Variants in GBE1 observed in about 807,000 individuals in gnomAD.
GBE1 encodes the protein 1,4-alpha-glucan-branching enzyme.
Under a neutral mutation model 88.8 loss-of-function variants are expected in GBE1, and 70 were observed. The ratio of observed to expected loss-of-function variants is 0.79; its 90% CI spans 0.65 to 0.96. GBE1 has a LOEUF of 0.96. GBE1 is among the 40% of genes least tolerant of loss of function. The probability of loss-of-function intolerance (pLI) is 0.00; values close to 1 mark genes in which losing one functional copy is unlikely to be tolerated. For synonymous variants in GBE1, 284 were observed against 300.1 expected (o/e 0.95, Z 0.56); for missense variants, 872 against 871.0 (o/e 1.00, Z -0.01).
intron 2 of GBE1, among the ~76,000 whole-genome samples, chr3:81,677,305 G>A (rs975068474): frequency 1.1e-4 from 16 of 152,058 alleles, no homozygotes; most frequent in African/African-American, 3.9e-4. Context: ...CAATAGGCGA[G>A]GCTAATATAC....
At position 81,547,625 on chromosome 3, in the gene GBE1, T is replaced by TTCTCTCTCTCTCTC. The variant is rs56681369; in HGVS notation, c.1619-10544_1619-10531dup. On this transcript the variant is annotated intron_variant, in intron 12 of 15. Coordinates refer to ENST00000429644, the MANE Select transcript of GBE1 (RefSeq NM_000158.4). ...CTAGTCAGGCTTCTAGGTTCGTTTG[T>TTCTCTCTCTCTCTC]TCTCTCTCTCTCTCTCTCTCTCTCT... Among the ~76,000 whole-genome samples, 151 of 138,364 alleles carry TTCTCTCTCTCTCTC rather than the reference T, an allele frequency of 1.1e-3. 1 individual carries two copies. The highest frequency in any genetic ancestry group is 3.8e-3 in the Middle Eastern group (1 of 266). The allele number at this position is 138,364 out of a possible 152,430, so 90.8% of individuals were successfully genotyped here.
intron 14 of GBE1, among the ~76,000 whole-genome samples, chr3:81,517,625 T>A (rs992622403): frequency 4.5e-5 from 6 of 134,088 alleles, no homozygotes; most frequent in Non-Finnish European, 7.8e-5. Flanking sequence ...CAGTAGATCT[T>A]ATTATGAAGA....
At chr3:81,712,226 T>C (rs978354409) in intron 1 of GBE1, among the ~76,000 whole-genome samples, 5 of 152,188 alleles carry the variant, frequency 3.3e-5, no homozygotes, top group Admixed American at 1.3e-4. Context: ...AGTTCAACCA[T>C]TGTGGAAGAC....
intron 7 of GBE1, among the ~76,000 whole-genome samples, chr3:81,626,481 C>T (rs976755657): frequency 6.6e-6 from 1 of 151,988 alleles, no homozygotes; most frequent in African/African-American, 2.4e-5. Context: ...AAAGAGGAAG[C>T]CTTGAGCAAG....
rs1293150386 is a variant in GBE1, at chr3:81,694,811, G to A, written c.313+10633C>T. Among the ~76,000 whole-genome samples, 3 of 152,274 alleles carry A rather than the reference G, an allele frequency of 2.0e-5. No individual in the cohort carries two copies. In the East Asian group the frequency reaches 5.8e-4, roughly 29 times the overall value. On this transcript the variant is annotated intron_variant, in intron 2 of 15. Coordinates refer to ENST00000429644, the MANE Select transcript of GBE1 (RefSeq NM_000158.4). ...TATCCTTAAGAAACAGGATGCCTAT[G>A]ATACAGTTTCCTTTGTAGCCAGACT... is the stretch of plus-strand genomic sequence containing the variant.
chr3:81,678,885 A>G (rs1039485564), intron 2 of GBE1, among the ~76,000 whole-genome samples: 1 of 152,310 alleles, frequency 6.6e-6, no homozygotes, highest in Non-Finnish European at 1.5e-5. Context: ...ACTGAATATA[A>G]AGAAAGTATT....
In GBE1 at chr3:81,705,557, T is replaced by A. The variant is rs368256869; in HGVS notation, c.200A>T (p.Asp67Val). The A allele has an allele frequency of 4.7e-5, 74 of 1,589,928 alleles. No individual in the cohort carries two copies. Among genetic ancestry groups the A allele is most frequent in the Non-Finnish European group, 6.2e-5 (72 of 1,166,902 alleles). The change falls in exon 2 of 16, where the codon GAT becomes GTT. Residue 67 changes from aspartate (D) to valine (V), a missense_variant. Asp to Val is a radical substitution (Grantham distance 152, BLOSUM62 -3). Transcript: ENST00000429644. ...TGATTCATAGCCTCTGGAAAACTTA[T>A]CAATACCACCTTCATTTTCTCCAAT... ...KNIGENEGGIDKFSRGYESFG... is the reference protein window; with the variant it reads ...KNIGENEGGIVKFSRGYESFG...
intron 14 of GBE1, among the ~76,000 whole-genome samples, chr3:81,525,417 G>C (rs1480922539): frequency 6.6e-6 from 1 of 152,024 alleles, no homozygotes; most frequent in Non-Finnish European, 1.5e-5. Flanking sequence ...TTGATGTGCT[G>C]CTGGATTCGG....
intron 1 of GBE1, among the ~76,000 whole-genome samples, chr3:81,728,260 T>C (rs1036216330): frequency 1.3e-5 from 2 of 152,142 alleles, no homozygotes; most frequent in South Asian, 4.1e-4. Flanking sequence ...AGTAAATGTA[T>C]TGAAAGTAAT....
At position 81,637,264 on chromosome 3, in the gene GBE1, A is replaced by G. The variant is rs1024359032; in HGVS notation, c.992+5517T>C. On this transcript the variant is annotated intron_variant, in intron 7 of 15. Coordinates refer to ENST00000429644, the MANE Select transcript of GBE1 (RefSeq NM_000158.4). ...ATGATGAAGTGAGGTGAATGACCTC[A>G]TTGTGACATAGCATTAGGCTACTAT... Among the ~76,000 whole-genome samples, 6 of 152,296 alleles carry G rather than the reference A, an allele frequency of 3.9e-5. No homozygotes were observed. The South Asian group carries it at 8.3e-4, about 21-fold the overall frequency.
chr3:81,546,640 C>T (rs1703207941), intron 12 of GBE1, among the ~76,000 whole-genome samples: 1 of 151,452 alleles, frequency 6.6e-6, no homozygotes, highest in African/African-American at 2.4e-5. Flanking sequence ...CCACCAGTGC[C>T]ACAACAGTTT....
chr3:81,526,774 C>G (rs1200395968), intron 14 of GBE1, among the ~76,000 whole-genome samples: 1 of 152,036 alleles, frequency 6.6e-6, no homozygotes, highest in East Asian at 1.9e-4. Context: ...GAATCAATAT[C>G]ATGAAAATGG....
intron 7 of GBE1, among the ~76,000 whole-genome samples, chr3:81,614,302 A>C (rs559867084): frequency 6.6e-6 from 1 of 152,262 alleles, no homozygotes; most frequent in African/African-American, 2.4e-5. Context: ...GGGGGAAAAA[A>C]CCCTACCATA....
At chr3:81,671,014 C>G in intron 2 of GBE1, 61 bp from the exon 3 acceptor site, 1 of 697,522 alleles carries the variant, frequency 1.4e-6, no homozygotes, top group Non-Finnish European at 2.3e-6. Context: ...TAATGAATTT[C>G]AAGAAAAACA....
rs371182461 is a variant in GBE1 at position 81,515,586 on chromosome 3, G to A, written c.1935-16359C>T. On this transcript the variant is annotated intron_variant, in intron 14 of 15. Transcript: ENST00000429644. Reference sequence around the variant, plus strand: ...CTAGGAGTTCAAATGAAAAGAAGAGGGGCATGTCTCTCACTTTAAATCAAA... The same window carrying A: ...CTAGGAGTTCAAATGAAAAGAAGAGAGGCATGTCTCTCACTTTAAATCAAA... Among the ~76,000 whole-genome samples, 6 of 151,582 alleles carry A rather than the reference G, an allele frequency of 4.0e-5. No homozygotes were observed. In the East Asian group the frequency reaches 1.2e-3, roughly 29 times the overall value.
chr3:81,570,820 G>T (rs1341204061), intron 12 of GBE1, among the ~76,000 whole-genome samples: 4 of 152,104 alleles, frequency 2.6e-5, no homozygotes, highest in East Asian at 1.9e-4. Flanking sequence ...TAGAATAAAA[G>T]AAGGTATGGG....
rs117048408 is a variant in GBE1 at position 81,529,557 on chromosome 3, T to C, written c.1934+5638A>G. ...GAAAGTCTTAATTTCTCCTTCATAT[T>C]TGGAGGATATTTTTACTGGATATAA... On this transcript the variant is annotated intron_variant, in intron 14 of 15. Coordinates refer to ENST00000429644, the MANE Select transcript of GBE1 (RefSeq NM_000158.4). Among the ~76,000 whole-genome samples the C allele has an allele frequency of 1.2e-3, 186 of 151,876 alleles. No individual in the cohort carries two copies. The East Asian group carries it at 0.023, about 18-fold the overall frequency.
intron 9 of GBE1, among the ~76,000 whole-genome samples, chr3:81,587,028 G>A (rs1703812652): frequency 6.6e-6 from 1 of 151,938 alleles, no homozygotes; most frequent in African/African-American, 2.4e-5. Context: ...CTGACCGTTC[G>A]AGACGGGAGT....
In GBE1 at chr3:81,520,461, T is replaced by G. The variant is rs1438846000; in HGVS notation, c.1934+14734A>C. On this transcript the variant is annotated intron_variant, in intron 14 of 15. Transcript: ENST00000429644. ...ATCATTTAAAATGTGGTATAATCATTTGTATTGTTCAAATGCATTAGAAAG... is the reference window on the plus strand; with the variant it reads ...ATCATTTAAAATGTGGTATAATCATGTGTATTGTTCAAATGCATTAGAAAG... Among the ~76,000 whole-genome samples, 8 of 151,576 alleles carry G rather than the reference T, an allele frequency of 5.3e-5. No individual in the cohort carries two copies. In the Admixed American group the frequency reaches 5.3e-4, roughly 10 times the overall value.
Sources: gnomAD v4.1 joint callset for allele counts (sites outside exome capture counted in the v4.1 genomes callset) on GRCh38, gnomAD v4.1.1 for gene constraint, MANE v1.5 for transcripts, NCBI Gene and HGNC (gene_info 2026-07-23, HGNC 2026-07-21) for gene names.